Variants in GABRB2 observed in about 807,000 individuals in gnomAD.
GABRB2 encodes gamma-aminobutyric acid receptor subunit beta-2.
GABRB2 carries 16 observed loss-of-function variants against 54.7 expected under a neutral mutation model. That is an observed-to-expected ratio of 0.29 (90% CI 0.20 to 0.44). The LOEUF is 0.44. Among genes scored for constraint, GABRB2 ranks in the 20% least tolerant of loss-of-function variants. The pLI is 1.00. For missense variants in GABRB2, 355 were observed against 644.0 expected (o/e 0.55, Z 4.86); for synonymous variants, 244 against 233.8 (o/e 1.04, Z -0.40).
At chr5:161,346,224 T>C (rs557029495) in intron 5 of GABRB2, among the ~76,000 whole-genome samples, 1 of 152,204 alleles carries the variant, frequency 6.6e-6, no homozygotes, top group South Asian at 2.1e-4. Flanking sequence ...AAACTTCCTT[T>C]GAATGGCCAT....
intron 4 of GABRB2, among the ~76,000 whole-genome samples, chr5:161,444,989 C>G (rs1044700038): frequency 2.6e-5 from 4 of 152,050 alleles, no homozygotes; most frequent in Non-Finnish European, 5.9e-5. Context: ...AACTGATAAA[C>G]AGAGTCAGGA....
chr5:161,513,092 G>A (rs1416666218), intron 3 of GABRB2, among the ~76,000 whole-genome samples: 1 of 151,804 alleles, frequency 6.6e-6, no homozygotes, highest in African/African-American at 2.4e-5. Flanking sequence ...ATGCTGGTGG[G>A]GCTGTGGATA....
intron 3 of GABRB2, among the ~76,000 whole-genome samples, chr5:161,460,731 C>G (rs1758100094): frequency 6.6e-6 from 1 of 151,798 alleles, no homozygotes; most frequent in African/African-American, 2.4e-5. Context: ...AAGTGGTAAA[C>G]AAGACAGATT....
At chr5:161,512,566 C>A (rs915543619) in intron 3 of GABRB2, among the ~76,000 whole-genome samples, 2 of 151,962 alleles carry the variant, frequency 1.3e-5, no homozygotes, top group African/African-American at 4.8e-5. Context: ...AAAACTAATT[C>A]AGGGTGGATT....
chr5:161,435,087 T>A (rs980832973), intron 4 of GABRB2, among the ~76,000 whole-genome samples: 1 of 152,212 alleles, frequency 6.6e-6, no homozygotes, highest in Non-Finnish European at 1.5e-5. Flanking sequence ...TAGTTATTAT[T>A]ATAGATTTTT....
chr5:161,446,722 G>A (rs1029450450), intron 4 of GABRB2, among the ~76,000 whole-genome samples: 1 of 152,002 alleles, frequency 6.6e-6, no homozygotes, highest in Admixed American at 6.6e-5. Context: ...ATACTATTTT[G>A]GATTGAGAGT....
chr5:161,397,346 T>C (rs1320737547), intron 5 of GABRB2, among the ~76,000 whole-genome samples: 1 of 152,206 alleles, frequency 6.6e-6, no homozygotes, highest in East Asian at 1.9e-4. Context: ...TTCCCATTTC[T>C]GTCCACCAAC....
At chr5:161,468,171 C>CA (rs1758331641) in intron 3 of GABRB2, among the ~76,000 whole-genome samples, 1 of 152,158 alleles carries the variant, frequency 6.6e-6, no homozygotes, top group African/African-American at 2.4e-5. Flanking sequence ...TACAGTGTAG[C>CA]AGAAATGTAA....
In GABRB2 at chr5:161,293,958, C is replaced by G; in HGVS notation, c.*123G>C. 5 of 738,446 alleles carry G rather than the reference C, an allele frequency of 6.8e-6. No individual in the cohort carries two copies. Among genetic ancestry groups the G allele is most frequent in the Non-Finnish European group, 1.1e-5 (5 of 451,030 alleles). The allele number at this position is 738,446 out of a possible 1,614,324, so 45.7% of individuals were successfully genotyped here. A position where few individuals can be genotyped will look rare whatever the true frequency, so the allele number is the denominator to read the frequency against. On this transcript the variant is annotated 3_prime_UTR_variant, in exon 10 of 10. Coordinates refer to ENST00000393959, the MANE Select transcript of GABRB2 (RefSeq NM_001371727.1). ...GTATGAAATGGACCACAGGATAGGCCAGCAACTAAGGTATTTTAGCGTCAC... is the reference window on the plus strand; with the variant it reads ...GTATGAAATGGACCACAGGATAGGCGAGCAACTAAGGTATTTTAGCGTCAC...
rs1047137432 is a variant in GABRB2, at chr5:161,536,979, C to T, written c.237+8248G>A. Among the ~76,000 whole-genome samples, 5 of 152,084 alleles carry T rather than the reference C, an allele frequency of 3.3e-5. 1 individual carries two copies. Among genetic ancestry groups the T allele is most frequent in the East Asian group, 1.9e-4 (1 of 5,186 alleles). ...TCTCAAAAGTGTAGTCTTCGACCACCGAAACTCCTCTTGCTACATTTCACC... is the reference window on the plus strand; with the variant it reads ...TCTCAAAAGTGTAGTCTTCGACCACTGAAACTCCTCTTGCTACATTTCACC... On this transcript the variant is annotated intron_variant, in intron 3 of 9. Transcript: ENST00000393959.
At chr5:161,389,571 A>AGTGT (rs10666283) in intron 5 of GABRB2, among the ~76,000 whole-genome samples, 7,410 of 145,876 alleles carry the variant, frequency 0.051, 514 homozygotes, top group African/African-American at 0.16. Context: ...ATGTTTGTGG[A>AGTGT]GTGTGTGTGT....
At chr5:161,358,017 C>A (rs1254565987) in intron 5 of GABRB2, among the ~76,000 whole-genome samples, 1 of 152,074 alleles carries the variant, frequency 6.6e-6, no homozygotes, top group African/African-American at 2.4e-5. Context: ...TAAAGCCATG[C>A]AACTTATGAG....
chr5:161,460,268 A>ATATATGTGTG (rs1473728574), intron 3 of GABRB2, among the ~76,000 whole-genome samples: 26 of 148,666 alleles, frequency 1.7e-4, no homozygotes, highest in African/African-American at 6.4e-4. Flanking sequence ...TTATATATAT[A>ATATATGTGTG]TGTGTGTGTG....
chr5:161,332,650 T>G (rs1047083471), intron 7 of GABRB2, among the ~76,000 whole-genome samples: 8 of 152,174 alleles, frequency 5.3e-5, no homozygotes, highest in Non-Finnish European at 1.0e-4. Context: ...TGGAAAGTTA[T>G]AGAGTTGCCA....
chr5:161,392,813 A>G (rs1755871950), intron 5 of GABRB2, among the ~76,000 whole-genome samples: 1 of 152,206 alleles, frequency 6.6e-6, no homozygotes, highest in Non-Finnish European at 1.5e-5. Flanking sequence ...AGGTGAAATG[A>G]AAGCTAAATT....
intron 3 of GABRB2, among the ~76,000 whole-genome samples, chr5:161,460,300 G>A (rs1581004975): frequency 6.6e-6 from 1 of 151,116 alleles, no homozygotes; most frequent in East Asian, 1.9e-4. Flanking sequence ...GTGTGTGTGT[G>A]TATGTATGGC....
At chr5:161,329,245 GTTTA>G (rs982825298) in intron 8 of GABRB2, among the ~76,000 whole-genome samples, 11 of 151,964 alleles carry the variant, frequency 7.2e-5, no homozygotes, top group East Asian at 3.9e-4. Context: ...TTATTTGTTT[GTTTA>G]TTTATTTATT....
At chr5:161,507,606 T>G (rs186590894) in intron 3 of GABRB2, among the ~76,000 whole-genome samples, 14 of 152,156 alleles carry the variant, frequency 9.2e-5, no homozygotes, top group Admixed American at 8.5e-4. Context: ...ATATATGTCT[T>G]GTAACAGACT....
intron 4 of GABRB2, among the ~76,000 whole-genome samples, chr5:161,412,736 CT>C (rs1325141147): frequency 6.6e-6 from 1 of 152,164 alleles, no homozygotes; most frequent in Non-Finnish European, 1.5e-5. Context: ...ACGTGTCTCC[CT>C]GATCTTTATA....
Sources: gnomAD v4.1 joint callset for allele counts (sites outside exome capture counted in the v4.1 genomes callset) on GRCh38, gnomAD v4.1.1 for gene constraint, MANE v1.5 for transcripts, NCBI Gene and HGNC (gene_info 2026-07-23, HGNC 2026-07-21) for gene names.